RASSF3: variants seen among roughly 807,000 people sequenced by gnomAD.
RASSF3 encodes the protein ras association domain-containing protein 3.
A neutral mutation model predicts 19.9 loss-of-function variants in RASSF3; 19 were observed. That is an observed-to-expected ratio of 0.96 (90% CI 0.67 to 1.40). The LOEUF is 1.40. Among genes scored for constraint, RASSF3 ranks in the 40% most tolerant of loss-of-function variants. The pLI, the probability that RASSF3 is intolerant of heterozygous loss-of-function variation, is 0.00. For missense variants in RASSF3, 306 were observed against 289.8 expected (o/e 1.06, Z -0.41); for synonymous variants, 110 against 104.2 (o/e 1.06, Z -0.34).
chr12:64,553,251 G>T (rs765472031), intron 2 of RASSF3, among the ~76,000 whole-genome samples: 1 of 152,078 alleles, frequency 6.6e-6, no homozygotes, highest in South Asian at 2.1e-4. Context: ...ATCATTATTA[G>T]AAGTCCAGTT....
chr12:64,667,579 C>T (rs1156382209), intron 1 of RASSF3, among the ~76,000 whole-genome samples: 1 of 152,190 alleles, frequency 6.6e-6, no homozygotes, highest in Non-Finnish European at 1.5e-5. Flanking sequence ...AGAAATTTTC[C>T]CATTTTACAA....
chr12:64,513,417 T>C (rs1263674398), intron 1 of RASSF3, among the ~76,000 whole-genome samples: 3 of 141,010 alleles, frequency 2.1e-5, no homozygotes, highest in Non-Finnish European at 4.5e-5. Context: ...GCCACTGCAC[T>C]CCAGCCTGGG....
intron 2 of RASSF3, among the ~76,000 whole-genome samples, chr12:64,568,254 A>G (rs150529512): frequency 3.9e-3 from 594 of 152,088 alleles, no homozygotes; most frequent in African/African-American, 0.013. Flanking sequence ...GCTAGTCTTG[A>G]ACTCCTGACC....
chr12:64,582,188 TG>T (rs932796021), intron 2 of RASSF3, among the ~76,000 whole-genome samples: 1 of 152,068 alleles, frequency 6.6e-6, no homozygotes, highest in Non-Finnish European at 1.5e-5. Context: ...GACAGAAAAA[TG>T]AACTAGGTCA....
intron 1 of RASSF3, among the ~76,000 whole-genome samples, chr12:64,516,998 CAAAAAAAAAAAA>C (rs371430838): frequency 3.5e-4 from 18 of 51,968 alleles, no homozygotes; most frequent in African/African-American, 1.2e-3. Context: ...AAATCTGTCT[CAAAAAAAAAAAA>C]AAAAAAAAAA....
intron 2 of RASSF3, among the ~76,000 whole-genome samples, chr12:64,604,219 A>C (rs572446926): frequency 6.8e-6 from 1 of 148,110 alleles, no homozygotes; most frequent in East Asian, 2.0e-4. Context: ...TTGACCTCCC[A>C]GGCTCAAGCA....
intron 1 of RASSF3, among the ~76,000 whole-genome samples, chr12:64,526,555 T>A (rs961709932): frequency 2.6e-5 from 4 of 152,070 alleles, no homozygotes; most frequent in Admixed American, 2.0e-4. Context: ...TTTTTTTAAA[T>A]TTTTTAAAGA....
chr12:64,631,077 T>C (rs1181091572), intron 1 of RASSF3, among the ~76,000 whole-genome samples: 1 of 151,970 alleles, frequency 6.6e-6, no homozygotes, highest in Non-Finnish European at 1.5e-5. Context: ...GAACTATGTG[T>C]GTAAAGCAAA....
At chr12:64,566,691 C>T (rs1190485483) in intron 2 of RASSF3, among the ~76,000 whole-genome samples, 4 of 152,134 alleles carry the variant, frequency 2.6e-5, no homozygotes, top group South Asian at 2.1e-4. Context: ...CGGGAATTTT[C>T]ATAGCTAGAG....
At chr12:64,606,476 GA>G (rs1870194847), upstream of RASSF3, among the ~76,000 whole-genome samples, 1 of 152,150 alleles carries the variant, frequency 6.6e-6, no homozygotes, top group Non-Finnish European at 1.5e-5. Context: ...GTAAACCAAA[GA>G]AAATAAAATG....
At chr12:64,635,684 C>G (rs918450213) in intron 1 of RASSF3, among the ~76,000 whole-genome samples, 25 of 152,152 alleles carry the variant, frequency 1.6e-4, no homozygotes, top group Admixed American at 1.6e-3. Context: ...TGTGAGAGCA[C>G]AGGCTTTTAA....
At chr12:64,627,765 AG>A (rs1313932447) in intron 1 of RASSF3, among the ~76,000 whole-genome samples, 1 of 152,214 alleles carries the variant, frequency 6.6e-6, no homozygotes, top group Non-Finnish European at 1.5e-5. Context: ...ACGTTGGGCC[AG>A]GGGTATGGAG....
intron 1 of RASSF3, among the ~76,000 whole-genome samples, chr12:64,678,044 C>A (rs1257407116): frequency 6.6e-6 from 1 of 152,148 alleles, no homozygotes; most frequent in Non-Finnish European, 1.5e-5. Flanking sequence ...GAATGTTTTT[C>A]TCTTAAGGTC....
intron 1 of RASSF3, among the ~76,000 whole-genome samples, chr12:64,670,231 G>T (rs1389380729): frequency 6.6e-6 from 1 of 152,032 alleles, no homozygotes; most frequent in African/African-American, 2.4e-5. Flanking sequence ...TTTATTTGGG[G>T]GTGGCTGCCC....
chr12:64,510,718 T>C (rs1455351634), intron 1 of RASSF3, among the ~76,000 whole-genome samples: 1 of 152,166 alleles, frequency 6.6e-6, no homozygotes, highest in Non-Finnish European at 1.5e-5. Flanking sequence ...CTGAATTCAG[T>C]ACATATTTTA....
intron 1 of RASSF3, among the ~76,000 whole-genome samples, chr12:64,660,623 T>C (rs562232401): frequency 1.3e-5 from 2 of 152,264 alleles, no homozygotes; most frequent in African/African-American, 2.4e-5. Context: ...TATCATTTGC[T>C]TTTTCTCTGT....
intron 2 of RASSF3, among the ~76,000 whole-genome samples, chr12:64,603,957 C>G (rs969491403): frequency 6.6e-6 from 1 of 151,990 alleles, no homozygotes; most frequent in Non-Finnish European, 1.5e-5. Context: ...AAGCGATTCT[C>G]CTGCCTCAGC....
At chr12:64,678,522 A>G (rs1218971064) in intron 1 of RASSF3, among the ~76,000 whole-genome samples, 1 of 152,118 alleles carries the variant, frequency 6.6e-6, no homozygotes, top group African/African-American at 2.4e-5. Flanking sequence ...TGCCACTGGC[A>G]TCAGGCACTG....
chr12:64,579,628 G>A (rs144961487), intron 2 of RASSF3, among the ~76,000 whole-genome samples: 21 of 152,050 alleles, frequency 1.4e-4, no homozygotes, highest in African/African-American at 5.1e-4. Flanking sequence ...TGGGATTACA[G>A]GCGTGAGCCA....
Sources: gnomAD v4.1 joint callset for allele counts (sites outside exome capture counted in the v4.1 genomes callset) on GRCh38, gnomAD v4.1.1 for gene constraint, MANE v1.5 for transcripts, NCBI Gene and HGNC (gene_info 2026-07-23, HGNC 2026-07-21) for gene names.